ANKRD11: variants seen among roughly 807,000 people sequenced by gnomAD.
The protein encoded by ANKRD11 is ankyrin repeat domain-containing protein 11.
A neutral mutation model predicts 195.7 loss-of-function variants in ANKRD11; 17 were observed. That is an observed-to-expected ratio of 0.09 (90% CI 0.06 to 0.13). The LOEUF is 0.13. Ranked by LOEUF, ANKRD11 falls within the 10% of genes least tolerant of loss-of-function variation. ANKRD11 has a pLI of 1.00. For missense variants in ANKRD11, 3,735 were observed against 3,566.1 expected, an observed-to-expected ratio of 1.05 and a Z score of -1.21; for synonymous variants, 1,953 against 1,528.1, an observed-to-expected ratio of 1.28 and a Z score of -6.49.
intron 2 of ANKRD11, among the ~76,000 whole-genome samples, chr16:89,406,155 C>G (rs931213055): frequency 7.3e-5 from 11 of 150,954 alleles, no homozygotes; most frequent in African/African-American, 2.7e-4. Flanking sequence ...TCACCAAAGT[C>G]CTAAGTCTGG....
At chr16:89,390,383 G>C (rs1474504823) in intron 2 of ANKRD11, among the ~76,000 whole-genome samples, 2 of 152,092 alleles carry the variant, frequency 1.3e-5, no homozygotes, top group Admixed American at 1.3e-4. Context: ...AGAGAGAGAA[G>C]ATCACTGGAT....
chr16:89,448,756 G>A (rs781395402), intron 1 of ANKRD11, among the ~76,000 whole-genome samples: 2 of 152,102 alleles, frequency 1.3e-5, no homozygotes, highest in Non-Finnish European at 2.9e-5. Flanking sequence ...AAGACGAGAC[G>A]GTGCTGGACT....
Position 89,281,443 on chromosome 16 carries a change from G to C in ANKRD11, c.5099C>G (p.Pro1700Arg). The change falls in exon 9 of 13, where the codon CCC (proline) becomes CGC (arginine). Residue 1700 changes from proline (P) to arginine (R), a missense_variant. Physicochemically the swap from Pro to Arg is moderately radical, Grantham distance 103. Transcript: ENST00000301030. The surrounding 1 kb of genome is among the most constrained non-coding windows in gnomAD (Gnocchi z 5.5). Reference sequence around the variant, plus strand: ...CGACGTAGGGGTGGGCACGCCAGTGGGCCGGCTCTGGTCAGGCCTGGGGGA... The same window carrying C: ...CGACGTAGGGGTGGGCACGCCAGTGCGCCGGCTCTGGTCAGGCCTGGGGGA... ...PASPRPDQSR[P>R]TGVPTPTSVL... 6.2e-7 allele frequency: 1 copy of C among 1,613,560 alleles called. No homozygotes were observed. The highest frequency in any genetic ancestry group is 8.5e-7 in the Non-Finnish European group (1 of 1,179,628).
chr16:89,364,597 C>A (rs773912730), intron 2 of ANKRD11, among the ~76,000 whole-genome samples: 4 of 152,186 alleles, frequency 2.6e-5, no homozygotes, highest in Non-Finnish European at 4.4e-5. Context: ...CTGGGCCACA[C>A]TGGAAGAAGA....
chr16:89,388,675 C>T (rs1424291911), intron 2 of ANKRD11, among the ~76,000 whole-genome samples: 1 of 152,136 alleles, frequency 6.6e-6, no homozygotes, highest in East Asian at 1.9e-4. Flanking sequence ...AGCCGGGGAC[C>T]CCCTTGGAGG....
At chr16:89,376,102 T>A (rs1372136862) in intron 2 of ANKRD11, among the ~76,000 whole-genome samples, 9 of 152,246 alleles carry the variant, frequency 5.9e-5, no homozygotes, top group Admixed American at 5.9e-4. Context: ...TACCTTTTTA[T>A]CTCACTGAAA....
Position 89,280,712 on chromosome 16 carries a change from T to G in ANKRD11, c.5830A>C (p.Thr1944Pro). The part of the protein sequence containing the change: ...LDEGPFSAVI[T>P]EEPVEWAHPS... ...TGGGCCCACTCAACGGGCTCCTCGG[T>G]GATGACGGCGCTGAAGGGACCCTCG... is the stretch of plus-strand genomic sequence containing the variant. The change falls in exon 9 of 13, where the codon ACC (threonine) becomes CCC (proline). Residue 1944 changes from threonine to proline, a missense_variant. Coordinates refer to ENST00000301030, the MANE Select transcript of ANKRD11 (RefSeq NM_013275.6). 1 of 1,613,114 alleles carries G rather than the reference T, an allele frequency of 6.2e-7. No homozygotes were observed. Among genetic ancestry groups the G allele is most frequent in the South Asian group, 1.1e-5 (1 of 91,068 alleles).
rs71134215 is a variant in ANKRD11, at chr16:89,388,293, A to ATTTTTTTTTTTTT, written c.-60+29978_-60+29990dup. ...GTGCTCTCTTCTCTCCATGAGGCTG[A>ATTTTTTTTTTTTT]TTTTTTTTTTTTTTTTTTTTTTGAG... On this transcript the variant is annotated intron_variant, in intron 2 of 12. Transcript: ENST00000301030. 2.1e-3 allele frequency among the ~76,000 whole-genome samples: 179 copies of ATTTTTTTTTTTTT among 85,280 alleles called. 27 individuals are homozygous for ATTTTTTTTTTTTT. Among genetic ancestry groups the ATTTTTTTTTTTTT allele is most frequent in the Non-Finnish European group, 2.6e-3 (114 of 44,374 alleles). The allele number at this position is 85,280 out of a possible 152,430, so 55.9% of individuals were successfully genotyped here.
intron 1 of ANKRD11, among the ~76,000 whole-genome samples, chr16:89,484,977 G>A (rs138828897): frequency 1.5e-3 from 230 of 152,298 alleles, no homozygotes; most frequent in African/African-American, 5.3e-3. Flanking sequence ...CGCTGTAACT[G>A]AGACAGCAGC....
intron 1 of ANKRD11, among the ~76,000 whole-genome samples, chr16:89,479,235 A>G (rs1247359264): frequency 6.6e-6 from 1 of 152,070 alleles, no homozygotes; most frequent in Non-Finnish European, 1.5e-5. Context: ...TGACGGCCAG[A>G]CGCAGTGGCG....
Position 89,360,258 on chromosome 16 carries a change from T to A in ANKRD11, c.-59-43180A>T, listed in dbSNP as rs530243580. On this transcript the variant is annotated intron_variant, in intron 2 of 12. Transcript: ENST00000301030. Reference sequence around the variant, plus strand: ...GATCTCGTTCATTTTTATGGCTATGTTATCTTATCTTATTTTGTATTAGGG... The same window carrying A: ...GATCTCGTTCATTTTTATGGCTATGATATCTTATCTTATTTTGTATTAGGG... 6.6e-5 allele frequency among the ~76,000 whole-genome samples: 10 copies of A among 151,896 alleles called. No individual in the cohort carries two copies. The South Asian group carries it at 8.3e-4, about 13-fold the overall frequency.
chr16:89,318,216 C>T (rs1207387128), intron 2 of ANKRD11, among the ~76,000 whole-genome samples: 1 of 152,206 alleles, frequency 6.6e-6, no homozygotes, highest in Non-Finnish European at 1.5e-5. Flanking sequence ...CCCCACGCCA[C>T]GCCTGGCATG....
chr16:89,455,862 C>G (rs1194433391), intron 1 of ANKRD11, among the ~76,000 whole-genome samples: 1 of 152,182 alleles, frequency 6.6e-6, no homozygotes. Context: ...TATAACACAG[C>G]AATTCCACTC....
intron 2 of ANKRD11, among the ~76,000 whole-genome samples, chr16:89,326,659 T>C (rs1300998090): frequency 6.6e-6 from 1 of 152,074 alleles, no homozygotes; most frequent in African/African-American, 2.4e-5. Flanking sequence ...GGAAGACCCC[T>C]TGGGCCCAGG....
chr16:89,451,469 T>C (rs904821771), intron 1 of ANKRD11, among the ~76,000 whole-genome samples: 1 of 148,384 alleles, frequency 6.7e-6, no homozygotes, highest in Non-Finnish European at 1.5e-5. Context: ...AGGAGTGCAG[T>C]TGTGTGATCT....
intron 1 of ANKRD11, among the ~76,000 whole-genome samples, chr16:89,425,894 A>C (rs2042697277): frequency 6.6e-6 from 1 of 152,240 alleles, no homozygotes; most frequent in African/African-American, 2.4e-5. Flanking sequence ...AAAACGAAAC[A>C]GGAAACAAAA....
chr16:89,389,652 G>A (rs1177337957), intron 2 of ANKRD11, among the ~76,000 whole-genome samples: 2 of 152,244 alleles, frequency 1.3e-5, no homozygotes, highest in African/African-American at 4.8e-5. Context: ...TGTGAACTCA[G>A]AGAAACGGCA....
At chr16:89,393,882 T>A (rs2965830) in intron 2 of ANKRD11, among the ~76,000 whole-genome samples, 98 of 151,976 alleles carry the variant, frequency 6.4e-4, no homozygotes, top group African/African-American at 2.3e-3. Flanking sequence ...ATGAGGAAAA[T>A]GTGTCAAAAA....
At chr16:89,470,437 TGAG>T (rs1443155185) in intron 1 of ANKRD11, among the ~76,000 whole-genome samples, 1 of 152,128 alleles carries the variant, frequency 6.6e-6, no homozygotes, top group African/African-American at 2.4e-5. Context: ...CAGGTCAGTC[TGAG>T]GAGAGGCAGC....
Sources: allele counts gnomAD v4.1 joint callset (sites outside exome capture counted in the v4.1 genomes callset), GRCh38; gene constraint gnomAD v4.1.1; non-coding constraint Gnocchi (gnomAD v3.1); transcripts MANE v1.5; gene names NCBI Gene and HGNC (gene_info 2026-07-23, HGNC 2026-07-21).